TMEM181: variants seen among roughly 807,000 people sequenced by gnomAD.
The protein encoded by TMEM181 is G protein-coupled receptor 178.
A neutral mutation model predicts 71.9 loss-of-function variants in TMEM181; 39 were observed. The observed-to-expected ratio is 0.54, with a 90% CI of 0.42 to 0.71. TMEM181 has a LOEUF of 0.71. Among genes scored for constraint, TMEM181 ranks in the 30% least tolerant of loss-of-function variants. The probability of loss-of-function intolerance (pLI) is 0.00; values close to 1 mark genes in which losing one functional copy is unlikely to be tolerated. For synonymous variants in TMEM181, 245 were observed against 228.8 expected, an observed-to-expected ratio of 1.07 and a Z score of -0.64; for missense variants, 595 against 583.0, an observed-to-expected ratio of 1.02 and a Z score of -0.21.
chr6:158,615,349 T>C (rs924872693), intron 10 of TMEM181, among the ~76,000 whole-genome samples: 1 of 152,214 alleles, frequency 6.6e-6, no homozygotes, highest in Non-Finnish European at 1.5e-5. Flanking sequence ...GATGCTTTCT[T>C]GTAAATTTAA....
chr6:158,562,446 TTGTGTG>T lies in TMEM181; in HGVS notation c.8+2238_8+2243del, dbSNP rs58150738. Among the ~76,000 whole-genome samples the T allele has an allele frequency of 6.4e-3, 902 of 141,184 alleles. 2 individuals are homozygous for T. Among genetic ancestry groups the T allele is most frequent in the Non-Finnish European group, 9.5e-3 (629 of 66,010 alleles). The allele number at this position is 141,184 out of a possible 152,430, so 92.6% of individuals were successfully genotyped here. ...TCTGCAAATTTAAATAAGGCTGTTTTTGTGTGTGTGTGTGTGTGTGTGTGTGTGTCT... is the reference window on the plus strand; with the variant it reads ...TCTGCAAATTTAAATAAGGCTGTTTTTGTGTGTGTGTGTGTGTGTGTGTCT... On this transcript the variant is annotated intron_variant, in intron 1 of 16. Transcript: ENST00000684151.
intron 1 of TMEM181, among the ~76,000 whole-genome samples, chr6:158,549,646 C>T (rs925865155): frequency 3.3e-5 from 5 of 152,046 alleles, no homozygotes; most frequent in Non-Finnish European, 5.9e-5. Flanking sequence ...AAGCTCTGTG[C>T]GTAGTCAGGG....
intron 2 of TMEM181, among the ~76,000 whole-genome samples, chr6:158,576,171 T>C (rs1470802067): frequency 6.6e-6 from 1 of 152,218 alleles, no homozygotes; most frequent in Non-Finnish European, 1.5e-5. Flanking sequence ...GGAATGCTTG[T>C]ACATTAGATG....
rs1202108609 is a variant in TMEM181 at position 158,625,736 on chromosome 6, T to C, written c.1091T>C (p.Phe364Ser). 3 of 1,611,156 alleles carry C rather than the reference T, an allele frequency of 1.9e-6. No individual in the cohort carries two copies. The highest frequency in any genetic ancestry group is 2.2e-5 in the East Asian group (1 of 44,886). The change falls in exon 13 of 17, where the codon TTC becomes TCC. Residue 364 changes from phenylalanine to serine, a missense_variant. Transcript: ENST00000684151. ...LRLKFLTALT[F>S]VVLVISIAIL... Reference sequence around the variant, plus strand: ...TTGAAATTTTTGACTGCATTGACTTTCGTAGTACTTGTCATTAGGTAAGAA... The same window carrying C: ...TTGAAATTTTTGACTGCATTGACTTCCGTAGTACTTGTCATTAGGTAAGAA...
upstream of TMEM181, chr6:158,560,034 C>T (rs1238287942): frequency 9.1e-6 from 9 of 984,992 alleles, no homozygotes; most frequent in East Asian, 1.1e-4. Context: ...CCGCGCCGCG[C>T]CCTCTTCCGC....
chr6:158,631,312 T>C lies in TMEM181; in HGVS notation c.1283-11T>C. ...ATTGCTTGAGATGCAAATGCTCTTG[T>C]TGGTTTTCAGAGTCCCAGCTGAAAG... On this transcript the variant is annotated splice_polypyrimidine_tract_variant and intron_variant, in intron 15 of 16. Coordinates refer to ENST00000684151, the MANE Select transcript of TMEM181 (RefSeq NM_001376852.1). 3 of 1,614,150 alleles carry C rather than the reference T, an allele frequency of 1.9e-6. No individual in the cohort carries two copies. Among genetic ancestry groups the C allele is most frequent in the Non-Finnish European group, 2.5e-6 (3 of 1,179,990 alleles).
At chr6:158,536,689 C>A in exon 1 of TMEM181, 1 of 1,543,472 alleles carries the variant, frequency 6.5e-7, no homozygotes, top group Non-Finnish European at 8.7e-7. Flanking sequence ...CAGGCGGCGA[C>A]ACAAAGGGTG....
intron 1 of TMEM181, among the ~76,000 whole-genome samples, chr6:158,565,457 G>C (rs1242701432): frequency 6.6e-6 from 1 of 152,198 alleles, no homozygotes; most frequent in Non-Finnish European, 1.5e-5. Flanking sequence ...TCTGGATGGG[G>C]CTGCCAGGAA....
rs141443280 is a variant in TMEM181, at chr6:158,615,391, A to G, written c.896+6641A>G. 3.1e-3 allele frequency among the ~76,000 whole-genome samples: 465 copies of G among 152,198 alleles called. 1 individual carries two copies. The highest frequency in any genetic ancestry group is 4.8e-3 in the South Asian group (23 of 4,830). ...TGTAGATTCTGGATATTAGCCCTTT[A>G]TCAGATGAGTAGATAGCAAAAATTT... On this transcript the variant is annotated intron_variant, in intron 10 of 16. Coordinates refer to ENST00000684151, the MANE Select transcript of TMEM181 (RefSeq NM_001376852.1).
intron 1 of TMEM181, among the ~76,000 whole-genome samples, chr6:158,554,115 C>T (rs918552194): frequency 3.3e-5 from 5 of 149,872 alleles, no homozygotes; most frequent in East Asian, 2.0e-4. Flanking sequence ...GATGGAGTTT[C>T]GCTTTTGTTG....
At chr6:158,573,308 T>TGGGA in intron 1 of TMEM181, 112 bp from the exon 2 acceptor site, 1 of 723,630 alleles carries the variant, frequency 1.4e-6, no homozygotes. Flanking sequence ...AGTGAGGGAC[T>TGGGA]GGGAGGGGAG....
At chr6:158,625,227 C>T (rs781506616) in intron 12 of TMEM181, 21 bp downstream of exon 12, 33 of 1,605,654 alleles carry the variant, frequency 2.1e-5, no homozygotes, top group South Asian at 1.9e-4. Context: ...CTTTCAGAAT[C>T]GGTGCAGGGG....
intron 10 of TMEM181, among the ~76,000 whole-genome samples, chr6:158,609,049 G>T (rs1038097016): frequency 2.0e-5 from 3 of 150,522 alleles, no homozygotes; most frequent in Non-Finnish European, 4.4e-5. Flanking sequence ...AATGAGCCGA[G>T]ATTGCACCAC....
chr6:158,572,381 G>T (rs1011520715), intron 1 of TMEM181: 3 of 456,400 alleles, frequency 6.6e-6, no homozygotes, highest in South Asian at 1.5e-5. Context: ...TCTCCTTCCC[G>T]CTGGTCTGGC....
chr6:158,543,272 C>T (rs1000562615), intron 1 of TMEM181, among the ~76,000 whole-genome samples: 1 of 152,198 alleles, frequency 6.6e-6, no homozygotes, highest in Non-Finnish European at 1.5e-5. Context: ...AGCATCCCAT[C>T]TGTTCTTCCT....
intron 1 of TMEM181, among the ~76,000 whole-genome samples, chr6:158,540,732 G>T (rs1187894485): frequency 6.6e-6 from 1 of 152,062 alleles, no homozygotes; most frequent in Non-Finnish European, 1.5e-5. Flanking sequence ...ATCAGGATTC[G>T]CAGTGCTGGC....
chr6:158,566,814 T>C (rs1782534821), intron 1 of TMEM181, among the ~76,000 whole-genome samples: 1 of 152,012 alleles, frequency 6.6e-6, no homozygotes, highest in Non-Finnish European at 1.5e-5. Flanking sequence ...AGCTCCTGTC[T>C]CATTTGGATT....
intron 10 of TMEM181, chr6:158,611,524 T>TA: frequency 2.1e-6 from 1 of 480,970 alleles, no homozygotes; most frequent in Middle Eastern, 3.5e-4. Flanking sequence ...TTCATGGAGT[T>TA]ACGAGAACTA....
chr6:158,590,370 T>C (rs1164466732), intron 6 of TMEM181, among the ~76,000 whole-genome samples: 1 of 111,250 alleles, frequency 9.0e-6, no homozygotes, highest in Non-Finnish European at 1.8e-5. Flanking sequence ...TACTAATGGA[T>C]ACCTTCAAAA....
Sources: gnomAD v4.1 joint callset for allele counts (sites outside exome capture counted in the v4.1 genomes callset) on GRCh38, gnomAD v4.1.1 for gene constraint, MANE v1.5 for transcripts, NCBI Gene and HGNC (gene_info 2026-07-23, HGNC 2026-07-21) for gene names.